Variants in UBASH3B observed in about 807,000 individuals in gnomAD.
UBASH3B encodes the protein ubiquitin-associated and SH3 domain-containing protein B.
Under a neutral mutation model 83.4 loss-of-function variants are expected in UBASH3B, and 37 were observed. The observed-to-expected ratio is 0.44, with a 90% CI of 0.34 to 0.58. The LOEUF is 0.58. Among genes scored for constraint, UBASH3B ranks in the 20% least tolerant of loss-of-function variants. UBASH3B has a pLI of 0.01. For missense variants in UBASH3B, 657 were observed against 827.2 expected, an observed-to-expected ratio of 0.79 and a Z score of 2.52; for synonymous variants, 304 against 318.3, an observed-to-expected ratio of 0.96 and a Z score of 0.48.
At chr11:122,687,648 T>A (rs1023275676) in intron 1 of UBASH3B, among the ~76,000 whole-genome samples, 1 of 152,198 alleles carries the variant, frequency 6.6e-6, no homozygotes, top group Admixed American at 6.5e-5. Context: ...TTTAAACCCA[T>A]TTTACAGATG....
At chr11:122,664,613 C>T (rs1195078222) in intron 1 of UBASH3B, among the ~76,000 whole-genome samples, 2 of 152,150 alleles carry the variant, frequency 1.3e-5, no homozygotes, top group East Asian at 1.9e-4. Flanking sequence ...CCGGGGCCCT[C>T]GGTATGTGAT....
intron 1 of UBASH3B, among the ~76,000 whole-genome samples, chr11:122,702,997 T>G (rs1203845365): frequency 6.6e-6 from 1 of 152,178 alleles, no homozygotes; most frequent in Non-Finnish European, 1.5e-5. Flanking sequence ...AATTGGACAC[T>G]CCCTCAAGAT....
At chr11:122,724,365 C>T (rs1860694378) in intron 1 of UBASH3B, among the ~76,000 whole-genome samples, 1 of 152,192 alleles carries the variant, frequency 6.6e-6, no homozygotes, top group African/African-American at 2.4e-5. Flanking sequence ...TAAGTGCTAA[C>T]TTCACTGTTG....
At chr11:122,754,876 G>T (rs1039420629) in intron 1 of UBASH3B, among the ~76,000 whole-genome samples, 1 of 152,130 alleles carries the variant, frequency 6.6e-6, no homozygotes, top group African/African-American at 2.4e-5. Context: ...AGGTCATACC[G>T]CTAGTGACAG....
chr11:122,657,748 C>T (rs1438529592), intron 1 of UBASH3B, among the ~76,000 whole-genome samples: 2 of 152,180 alleles, frequency 1.3e-5, no homozygotes, highest in African/African-American at 4.8e-5. Flanking sequence ...CTTCCACTGA[C>T]GTCCCAATAC....
At chr11:122,715,637 C>G (rs1203327397) in intron 1 of UBASH3B, among the ~76,000 whole-genome samples, 1 of 152,230 alleles carries the variant, frequency 6.6e-6, no homozygotes, top group Non-Finnish European at 1.5e-5. Context: ...CTCCACCCAT[C>G]TGTTCCCCTA....
intron 1 of UBASH3B, among the ~76,000 whole-genome samples, chr11:122,771,765 ACAC>A (rs1172916177): frequency 2.7e-5 from 4 of 150,740 alleles, no homozygotes; most frequent in Non-Finnish European, 4.4e-5. Flanking sequence ...ACACACACAC[ACAC>A]ACACACACAC....
chr11:122,741,409 A>G (rs760845363), intron 1 of UBASH3B, among the ~76,000 whole-genome samples: 24 of 152,242 alleles, frequency 1.6e-4, no homozygotes, highest in Non-Finnish European at 3.2e-4. Flanking sequence ...GCTGTTTACC[A>G]ATAAATGAAC....
chr11:122,773,282 G>A (rs938171336), intron 1 of UBASH3B, among the ~76,000 whole-genome samples: 6 of 152,208 alleles, frequency 3.9e-5, no homozygotes, highest in South Asian at 2.1e-4. Context: ...GTTCTGCCGC[G>A]CCCATGTTCA....
At chr11:122,790,622 G>A (rs1294642886) in intron 6 of UBASH3B, among the ~76,000 whole-genome samples, 1 of 152,076 alleles carries the variant, frequency 6.6e-6, no homozygotes, top group Non-Finnish European at 1.5e-5. Context: ...ACAGTACTTG[G>A]AGTTGCTGTT....
chr11:122,657,304 T>C (rs1184290325), intron 1 of UBASH3B, among the ~76,000 whole-genome samples: 1 of 152,158 alleles, frequency 6.6e-6, no homozygotes, highest in Non-Finnish European at 1.5e-5. Flanking sequence ...TATTTATGTA[T>C]TTATTTTTCT....
intron 9 of UBASH3B, 188 bp downstream of exon 9, chr11:122,797,221 C>A: frequency 1.5e-6 from 1 of 663,358 alleles, no homozygotes; most frequent in Non-Finnish European, 2.4e-6. Context: ...GTTGGTTGAC[C>A]AAAGTGAATG....
chr11:122,728,200 T>C (rs970349594), intron 1 of UBASH3B, among the ~76,000 whole-genome samples: 4 of 152,134 alleles, frequency 2.6e-5, no homozygotes, highest in African/African-American at 9.7e-5. Context: ...CTGTCCTCCA[T>C]GAGGATGCAG....
chr11:122,696,699 C>T (rs923319524), intron 1 of UBASH3B, among the ~76,000 whole-genome samples: 20 of 152,230 alleles, frequency 1.3e-4, no homozygotes, highest in African/African-American at 4.8e-4. Flanking sequence ...CCCACCCTTT[C>T]CTGGGCCGTG....
At chr11:122,765,400 G>A (rs1159358830) in intron 1 of UBASH3B, among the ~76,000 whole-genome samples, 1 of 152,192 alleles carries the variant, frequency 6.6e-6, no homozygotes, top group Non-Finnish European at 1.5e-5. Flanking sequence ...GCTTCCCACT[G>A]AGCCCTGGGC....
chr11:122,751,208 A>G (rs946147421), intron 1 of UBASH3B, among the ~76,000 whole-genome samples: 8 of 152,218 alleles, frequency 5.3e-5, no homozygotes, highest in Middle Eastern at 3.2e-3. Context: ...TCTTATTATA[A>G]TGGAAAAATT....
chr11:122,753,239 T>C (rs1006213292), intron 1 of UBASH3B, among the ~76,000 whole-genome samples: 1 of 150,246 alleles, frequency 6.7e-6, no homozygotes, highest in Non-Finnish European at 1.5e-5. Context: ...AGGTCAGGAG[T>C]TGAAGACCAG....
intron 1 of UBASH3B, among the ~76,000 whole-genome samples, chr11:122,751,293 G>A (rs1192962218): frequency 6.6e-6 from 1 of 152,234 alleles, no homozygotes; most frequent in Non-Finnish European, 1.5e-5. Context: ...GCACTGAGGA[G>A]TGTCTTCCCA....
chr11:122,687,435 C>T (rs1378829830), intron 1 of UBASH3B, among the ~76,000 whole-genome samples: 3 of 152,172 alleles, frequency 2.0e-5, no homozygotes, highest in East Asian at 1.9e-4. Flanking sequence ...CAGCACTGGG[C>T]GTCCAGTGGG....
Sources: gnomAD v4.1 joint callset for allele counts (sites outside exome capture counted in the v4.1 genomes callset) on GRCh38, gnomAD v4.1.1 for gene constraint, MANE v1.5 for transcripts, NCBI Gene and HGNC (gene_info 2026-07-23, HGNC 2026-07-21) for gene names.